PLAC1: variants seen among roughly 807,000 people sequenced by gnomAD.
PLAC1 encodes the protein placenta associated 1, also known as placenta-specific protein 1.
For synonymous variants in PLAC1, 68 were observed against 62.1 expected (o/e 1.09, Z -0.44); for missense variants, 136 against 163.2 (o/e 0.83, Z 0.91).
At chrX:134,619,574 C>CT (rs1194143986) in intron 1 of PLAC1, among the ~76,000 whole-genome samples, 1 of 107,905 alleles carries the variant, frequency 9.3e-6, no homozygotes, top group African/African-American at 3.4e-5. Context: ...GCGTTTGAAC[C>CT]TGGGAGGCGG....
rs188059665 is a variant in PLAC1, at chrX:134,631,999, G to C, written c.-131+26329C>G. On this transcript the variant is annotated intron_variant, in intron 1 of 2. Transcript: ENST00000359237. ...AAAGACTGAAGGTGGAACGAAATAGGCATGGCTAGGAAAAGGAGACTCTTG... is the reference window on the plus strand; with the variant it reads ...AAAGACTGAAGGTGGAACGAAATAGCCATGGCTAGGAAAAGGAGACTCTTG... 6.2e-5 allele frequency among the ~76,000 whole-genome samples: 7 copies of C among 112,263 alleles called. No individual in the cohort carries two copies. In the East Asian group the frequency reaches 2.0e-3, roughly 32 times the overall value.
At chrX:134,651,499 A>G (rs2078362708) in intron 1 of PLAC1, 1 of 121,611 alleles carries the variant, frequency 8.2e-6, no homozygotes, top group Admixed American at 9.1e-5. Context: ...GAGTTCCAAA[A>G]GGATTGATAC....
At chrX:134,755,289 T>C (rs779501952) in intron 1 of PLAC1, among the ~76,000 whole-genome samples, 1 of 112,461 alleles carries the variant, frequency 8.9e-6, no homozygotes, top group African/African-American at 3.2e-5. Context: ...AACTATTAAG[T>C]GGTAGCTCTT....
chrX:134,697,508 A>G (rs974731693), intron 2 of PLAC1, among the ~76,000 whole-genome samples: 1 of 112,287 alleles, frequency 8.9e-6, no homozygotes, highest in African/African-American at 3.2e-5. Context: ...ACAAATATTC[A>G]TCTGTGTCTA....
chrX:134,593,536 G>A (rs999413277), intron 2 of PLAC1, among the ~76,000 whole-genome samples: 1 of 112,236 alleles, frequency 8.9e-6, no homozygotes, highest in Admixed American at 9.4e-5. Flanking sequence ...AGCATTTAAA[G>A]TACATGGTAT....
intron 1 of PLAC1, among the ~76,000 whole-genome samples, chrX:134,617,244 C>T (rs769072567): frequency 8.9e-6 from 1 of 111,910 alleles, no homozygotes; most frequent in Admixed American, 9.5e-5. Context: ...CTGCCTCGGC[C>T]TCCCAAAGTG....
At chrX:134,684,147 A>G (rs1398170192) in intron 2 of PLAC1, among the ~76,000 whole-genome samples, 1 of 111,136 alleles carries the variant, frequency 9.0e-6, no homozygotes, top group Non-Finnish European at 1.9e-5. Flanking sequence ...TGTGAAAGAG[A>G]TTGGTAGGCT....
At chrX:134,602,485 T>C (rs1227618369) in intron 1 of PLAC1, among the ~76,000 whole-genome samples, 2 of 112,539 alleles carry the variant, frequency 1.8e-5, no homozygotes, top group Non-Finnish European at 3.7e-5. Flanking sequence ...ATATAGTGGA[T>C]GATGGTGCAA....
At chrX:134,763,292 CT>C (rs1461987921) in intron 1 of PLAC1, among the ~76,000 whole-genome samples, 3 of 112,005 alleles carry the variant, frequency 2.7e-5, no homozygotes, top group Non-Finnish European at 5.6e-5. Flanking sequence ...CTAAAAATTC[CT>C]CTTGCCCAAA....
chrX:134,707,523 G>A (rs982556197), intron 2 of PLAC1, among the ~76,000 whole-genome samples: 15 of 111,513 alleles, frequency 1.3e-4, no homozygotes, highest in African/African-American at 4.6e-4. Flanking sequence ...GATGTTCCCC[G>A]CCCTGTGTCG....
intron 2 of PLAC1, among the ~76,000 whole-genome samples, chrX:134,568,836 G>A (rs943441029): frequency 9.0e-6 from 1 of 111,481 alleles, no homozygotes; most frequent in Non-Finnish European, 1.9e-5. Context: ...CATTTGCTGA[G>A]GTGCCTTTTG....
intron 2 of PLAC1, among the ~76,000 whole-genome samples, chrX:134,727,663 C>T (rs951327075): frequency 4.5e-5 from 5 of 112,050 alleles, no homozygotes; most frequent in South Asian, 7.3e-4. Flanking sequence ...CAACAACAAA[C>T]GCTCAGGAGG....
intron 1 of PLAC1, among the ~76,000 whole-genome samples, chrX:134,758,528 C>G (rs1037744638): frequency 1.8e-5 from 2 of 111,934 alleles, no homozygotes; most frequent in African/African-American, 6.5e-5. Context: ...ACAAAGCCAG[C>G]AAGAACTTTC....
intron 2 of PLAC1, among the ~76,000 whole-genome samples, chrX:134,589,328 A>T (rs2078022970): frequency 9.0e-6 from 1 of 111,367 alleles, no homozygotes; most frequent in African/African-American, 3.3e-5. Flanking sequence ...CTACTGGATG[A>T]TTTCAAGGGA....
At chrX:134,720,504 T>C (rs1289560116) in intron 2 of PLAC1, among the ~76,000 whole-genome samples, 1 of 109,422 alleles carries the variant, frequency 9.1e-6, no homozygotes, top group Non-Finnish European at 1.9e-5. Flanking sequence ...GATCTTAAAA[T>C]GTACACAGTA....
At chrX:134,574,071 G>GTC (rs757647872) in intron 2 of PLAC1, among the ~76,000 whole-genome samples, 2,070 of 99,705 alleles carry the variant, frequency 0.021, 34 homozygotes, top group Non-Finnish European at 0.031. Context: ...CTCTCTCTCT[G>GTC]TCTCTCTCTC....
At chrX:134,669,385 C>T (rs2078447493) in intron 2 of PLAC1, among the ~76,000 whole-genome samples, 1 of 112,009 alleles carries the variant, frequency 8.9e-6, no homozygotes, top group Non-Finnish European at 1.9e-5. Flanking sequence ...TTCCCAGGGC[C>T]CTCATCAATA....
intron 1 of PLAC1, among the ~76,000 whole-genome samples, chrX:134,644,832 C>T (rs187667758): frequency 1.9e-3 from 212 of 111,773 alleles, no homozygotes; most frequent in Middle Eastern, 9.2e-3. Flanking sequence ...TTTCTATTCT[C>T]ACTCTCATGT....
chrX:134,649,357 A>G (rs1456793629), intron 1 of PLAC1, among the ~76,000 whole-genome samples: 1 of 110,441 alleles, frequency 9.1e-6, no homozygotes, highest in Non-Finnish European at 1.9e-5. Context: ...TATGCTTTTG[A>G]GGTTATTTAC....
Sources: gnomAD v4.1 joint callset for allele counts (sites outside exome capture counted in the v4.1 genomes callset) on GRCh38, gnomAD v4.1.1 for gene constraint, MANE v1.5 for transcripts, NCBI Gene and HGNC (gene_info 2026-07-23, HGNC 2026-07-21) for gene names.